ARHGAP15: variants seen among roughly 807,000 people sequenced by gnomAD.
ARHGAP15 encodes rho GTPase-activating protein 15.
Under a neutral mutation model 63.7 loss-of-function variants are expected in ARHGAP15, and 51 were observed. The ratio of observed to expected loss-of-function variants is 0.80; its 90% CI spans 0.64 to 1.01. The LOEUF is 1.01. Among genes scored for constraint, ARHGAP15 ranks in the 50% least tolerant of loss-of-function variants. The pLI is 0.00. For synonymous variants in ARHGAP15, 191 were observed against 193.8 expected (o/e 0.99, Z 0.12); for missense variants, 560 against 564.6 (o/e 0.99, Z 0.08).
At chr2:143,292,769 T>C (rs1682463871) in intron 6 of ARHGAP15, among the ~76,000 whole-genome samples, 2 of 152,040 alleles carry the variant, frequency 1.3e-5, no homozygotes. Context: ...ATGGCAGAGT[T>C]TTCTGTACTT....
chr2:143,552,156 G>C (rs537715734), intron 10 of ARHGAP15, among the ~76,000 whole-genome samples: 4 of 152,228 alleles, frequency 2.6e-5, no homozygotes, highest in African/African-American at 7.2e-5. Flanking sequence ...CTCAGGAGAG[G>C]GACTGTTTGT....
At chr2:143,718,116 G>GA (rs1272388355) in intron 13 of ARHGAP15, among the ~76,000 whole-genome samples, 1 of 151,786 alleles carries the variant, frequency 6.6e-6, no homozygotes, top group African/African-American at 2.4e-5. Context: ...TCTCATGCAA[G>GA]AAAAAAGTAC....
intron 12 of ARHGAP15, among the ~76,000 whole-genome samples, chr2:143,646,042 A>C (rs879765626): frequency 3.3e-5 from 5 of 152,094 alleles, no homozygotes; most frequent in African/African-American, 7.2e-5. Flanking sequence ...GGATTTCTTC[A>C]GCACGCACTA....
rs572414498 is a variant in ARHGAP15, at chr2:143,758,556, G to A, written c.1245-9433G>A. Among the ~76,000 whole-genome samples the A allele has an allele frequency of 2.0e-5, 3 of 152,146 alleles. No homozygotes were observed. In the East Asian group the frequency reaches 5.8e-4, roughly 29 times the overall value. Reference sequence around the variant, plus strand: ...GAGGGCAGGAGATATTCACAGGAGAGGAAACACACGACTGCTTGTTTGCTT... The same window carrying A: ...GAGGGCAGGAGATATTCACAGGAGAAGAAACACACGACTGCTTGTTTGCTT... On this transcript the variant is annotated intron_variant, in intron 13 of 13. Transcript: ENST00000295095.
chr2:143,189,430 A>C (rs62171674), intron 2 of ARHGAP15, among the ~76,000 whole-genome samples: 1 of 148,594 alleles, frequency 6.7e-6, no homozygotes, highest in Non-Finnish European at 1.5e-5. Context: ...TTAAAAAAAA[A>C]TTGTTCTTTT....
Position 143,660,502 on chromosome 2 carries a change from CT to C in ARHGAP15, c.1138+36238del, listed in dbSNP as rs540173080. ...ATCAAAGGGTTGGAAACAAGGAAGA[CT>C]TTATTTTAAAATCGTAAGAATAAGA... On this transcript the variant is annotated intron_variant, in intron 12 of 13. Transcript: ENST00000295095. Among the ~76,000 whole-genome samples the C allele has an allele frequency of 3.3e-4, 50 of 152,244 alleles. 1 individual carries two copies. The South Asian group carries it at 9.3e-3, about 28-fold the overall frequency.
Position 143,243,084 on chromosome 2 carries a change from T to C in ARHGAP15, c.385-7427T>C, listed in dbSNP as rs567782680. On this transcript the variant is annotated intron_variant, in intron 5 of 13. Coordinates refer to ENST00000295095, the MANE Select transcript of ARHGAP15 (RefSeq NM_018460.4). ...GTAAGAGGCTGTGCGGCCAAATGAT[T>C]TGTGGCCTGCGTATATGCCCAATCT... Among the ~76,000 whole-genome samples, 9 of 152,302 alleles carry C rather than the reference T, an allele frequency of 5.9e-5. No individual in the cohort carries two copies. In the East Asian group the frequency reaches 1.7e-3, roughly 29 times the overall value.
At chr2:143,575,943 C>T (rs1044186116) in intron 11 of ARHGAP15, among the ~76,000 whole-genome samples, 1 of 152,026 alleles carries the variant, frequency 6.6e-6, no homozygotes, top group Non-Finnish European at 1.5e-5. Context: ...GAGTGGAATA[C>T]TCAATTTAGC....
intron 10 of ARHGAP15, among the ~76,000 whole-genome samples, chr2:143,535,427 T>A (rs1694709887): frequency 6.6e-6 from 1 of 152,190 alleles, no homozygotes; most frequent in African/African-American, 2.4e-5. Context: ...CAGTGAGGTT[T>A]GATGTGAAAT....
intron 6 of ARHGAP15, among the ~76,000 whole-genome samples, chr2:143,267,482 A>G (rs917078116): frequency 1.3e-5 from 2 of 152,190 alleles, no homozygotes; most frequent in Non-Finnish European, 2.9e-5. Context: ...ATTTGCATCA[A>G]TAATTATTTA....
intron 5 of ARHGAP15, among the ~76,000 whole-genome samples, chr2:143,247,954 A>C (rs554085511): frequency 6.6e-6 from 1 of 152,326 alleles, no homozygotes; most frequent in South Asian, 2.1e-4. Context: ...TTTTTCCTTC[A>C]TTCATGAATT....
intron 7 of ARHGAP15, 141 bp from the exon 8 acceptor site, chr2:143,436,772 T>C: frequency 1.4e-6 from 1 of 733,066 alleles, no homozygotes; most frequent in Non-Finnish European, 2.2e-6. Context: ...ATTAGAGTAT[T>C]GAGCTTAGCA....
chr2:143,662,250 C>T (rs942618716), intron 12 of ARHGAP15, among the ~76,000 whole-genome samples: 30 of 151,580 alleles, frequency 2.0e-4, no homozygotes, highest in Non-Finnish European at 3.4e-4. Context: ...TCAAGTGGGT[C>T]CCTGACCCCT....
chr2:143,382,299 G>C (rs1352167480), intron 6 of ARHGAP15, among the ~76,000 whole-genome samples: 1 of 152,106 alleles, frequency 6.6e-6, no homozygotes, highest in Non-Finnish European at 1.5e-5. Flanking sequence ...TGAAATCAAG[G>C]TGTCTTCAGG....
intron 13 of ARHGAP15, among the ~76,000 whole-genome samples, chr2:143,723,641 A>T (rs1035668175): frequency 6.6e-6 from 1 of 152,220 alleles, no homozygotes; most frequent in Non-Finnish European, 1.5e-5. Flanking sequence ...CACCTACTGT[A>T]TGCCAGGCAC....
chr2:143,495,441 A>G (rs1415297015), intron 9 of ARHGAP15, among the ~76,000 whole-genome samples: 1 of 151,678 alleles, frequency 6.6e-6, no homozygotes, highest in Non-Finnish European at 1.5e-5. Context: ...CTCTTTATAC[A>G]TAAATGGGCA....
intron 10 of ARHGAP15, chr2:143,522,106 T>C (rs796150101): frequency 5.9e-5 from 9 of 152,320 alleles, no homozygotes; most frequent in African/African-American, 2.2e-4. Context: ...ATTTTGCAAC[T>C]TTTGGACATG....
Position 143,519,367 on chromosome 2 carries a change from G to A in ARHGAP15, c.925+3G>A. ...CATTGAAGCTGTTGAGAAAAGAGGT[G>A]GGTGACTGAATGTGCAGCAGTTCCC... is the stretch of plus-strand genomic sequence containing the variant. On this transcript the variant is annotated splice_donor_region_variant and intron_variant, in intron 10 of 13. Transcript: ENST00000295095. 5.6e-6 allele frequency: 9 copies of A among 1,610,486 alleles called. No homozygotes were observed. The highest frequency in any genetic ancestry group is 7.6e-6 in the Non-Finnish European group (9 of 1,177,152).
At chr2:143,200,267 G>A (rs185167407) in intron 2 of ARHGAP15, among the ~76,000 whole-genome samples, 53 of 152,162 alleles carry the variant, frequency 3.5e-4, no homozygotes, top group Admixed American at 2.2e-3. Context: ...GAACATTGGG[G>A]AAAATTATCT....
Sources: allele counts gnomAD v4.1 joint callset (sites outside exome capture counted in the v4.1 genomes callset), GRCh38; gene constraint gnomAD v4.1.1; transcripts MANE v1.5; gene names NCBI Gene and HGNC (gene_info 2026-07-23, HGNC 2026-07-21).